HPCAL1: variants seen among roughly 807,000 people sequenced by gnomAD.
HPCAL1 encodes hippocalcin-like protein 1.
In HPCAL1, 8 loss-of-function variants were observed where a neutral mutation model predicts 17.1. The ratio of observed to expected loss-of-function variants is 0.47; its 90% CI spans 0.27 to 0.84. HPCAL1 has a LOEUF of 0.84. Among genes scored for constraint, HPCAL1 ranks in the 40% least tolerant of loss-of-function variants. The pLI is 0.13. For synonymous variants in HPCAL1, 112 were observed against 111.4 expected (o/e 1.01, Z -0.03); for missense variants, 165 against 271.1 (o/e 0.61, Z 2.75).
intron 1 of HPCAL1, among the ~76,000 whole-genome samples, chr2:10,353,037 A>T (rs1331836403): frequency 6.6e-6 from 1 of 152,168 alleles, no homozygotes; most frequent in Non-Finnish European, 1.5e-5. Flanking sequence ...ATTTTGGTTG[A>T]CCAGGTTAGG....
In HPCAL1 at chr2:10,359,613, T is replaced by C. The variant is rs911530964; in HGVS notation, c.-110-37222T>C. Among the ~76,000 whole-genome samples the C allele has an allele frequency of 2.0e-5, 3 of 152,168 alleles. No individual in the cohort carries two copies. In the East Asian group the frequency reaches 5.8e-4, roughly 29 times the overall value. On this transcript the variant is annotated intron_variant, in intron 1 of 4. Transcript: ENST00000307845. The surrounding 1 kb of genome is among the most constrained non-coding windows in gnomAD (Gnocchi z 4.1). ...GCCTCATTGAGGGCCTGGAACTCTT[T>C]AGAGCCCATCAGGACCAAGCTCTGG...
At position 10,304,175 on chromosome 2, in the gene HPCAL1, G is replaced by T. The variant is rs1004291484; in HGVS notation, c.-111+998G>T. ...AGTGCCCGAGAGCGCCGCGCTGGGC[G>T]CCGGCCCTGCCCCAGCCCCCAGGCT... On this transcript the variant is annotated intron_variant, in intron 1 of 4. Transcript: ENST00000307845. This position sits in a 1 kb window ranked among gnomAD's most constrained non-coding sequence, Gnocchi z 4.1. Among the ~76,000 whole-genome samples, 1 of 152,204 alleles carries T rather than the reference G, an allele frequency of 6.6e-6. No individual in the cohort carries two copies. Among genetic ancestry groups the T allele is most frequent in the Non-Finnish European group, 1.5e-5 (1 of 68,022 alleles).
At position 10,359,896 on chromosome 2, in the gene HPCAL1, T is replaced by TGCCCGCCAGGTCCACAGC. The variant is rs1558485143; in HGVS notation, c.-110-36932_-110-36931insAGGTCCACAGCGCCCGCC. Among the ~76,000 whole-genome samples, 27 of 149,694 alleles carry TGCCCGCCAGGTCCACAGC rather than the reference T, an allele frequency of 1.8e-4. No individual in the cohort carries two copies. The highest frequency in any genetic ancestry group is 6.4e-4 in the South Asian group (3 of 4,714). ...ACCTGCCTCCTGCCTCCTTCCACAGTGCCCGCCGGGTCCACAGCGCCCGCC... is the reference window on the plus strand; with the variant it reads ...ACCTGCCTCCTGCCTCCTTCCACAGTGCCCGCCAGGTCCACAGCGCCCGCCGGGTCCACAGCGCCCGCC... On this transcript the variant is annotated intron_variant, in intron 1 of 4. Coordinates refer to ENST00000307845, the MANE Select transcript of HPCAL1 (RefSeq NM_002149.4). The surrounding 1 kb of genome is among the most constrained non-coding windows in gnomAD (Gnocchi z 4.1).
At chr2:10,308,267 C>T (rs780040442) in intron 1 of HPCAL1, among the ~76,000 whole-genome samples, 10 of 152,100 alleles carry the variant, frequency 6.6e-5, no homozygotes, top group Non-Finnish European at 1.3e-4. Context: ...TTAATTAATA[C>T]CAAGATAGAA....
rs187355206 is a variant in HPCAL1, at chr2:10,331,939, G to A, written c.-111+28762G>A. ...TCACCTGTTGTCATTTATGAGCCCCGTGTCACCTGTTGTTGCTTCACAGGG... is the reference window on the plus strand; with the variant it reads ...TCACCTGTTGTCATTTATGAGCCCCATGTCACCTGTTGTTGCTTCACAGGG... On this transcript the variant is annotated intron_variant, in intron 1 of 4. Coordinates refer to ENST00000307845, the MANE Select transcript of HPCAL1 (RefSeq NM_002149.4). The surrounding 1 kb of genome is among the most constrained non-coding windows in gnomAD (Gnocchi z 5.0). Among the ~76,000 whole-genome samples, 6 of 151,526 alleles carry A rather than the reference G, an allele frequency of 4.0e-5. No homozygotes were observed. The highest frequency in any genetic ancestry group is 8.8e-5 in the Non-Finnish European group (6 of 67,842).
At chr2:10,326,733 A>G (rs1664041897) in intron 1 of HPCAL1, among the ~76,000 whole-genome samples, 1 of 152,110 alleles carries the variant, frequency 6.6e-6, no homozygotes, top group South Asian at 2.1e-4. Flanking sequence ...AGCGTTCATG[A>G]GCACAGGGTG....
At chr2:10,403,503 T>A (rs867337824) in intron 2 of HPCAL1, among the ~76,000 whole-genome samples, 1,787 of 143,802 alleles carry the variant, frequency 0.012, 45 homozygotes, top group African/African-American at 0.042. Flanking sequence ...TGTGTGTGTG[T>A]GACGGAGTCT....
rs1264700064 is a variant in HPCAL1 at position 10,371,856 on chromosome 2, C to CG, written c.-110-24973dup. Reference sequence around the variant, plus strand: ...GCCCTTGGGGACGTCTGGCTTTGTCCGGGGGGTTTTCTGCTGCTCACTGGC... The same window carrying CG: ...GCCCTTGGGGACGTCTGGCTTTGTCCGGGGGGGTTTTCTGCTGCTCACTGGC... On this transcript the variant is annotated intron_variant, in intron 1 of 4. Coordinates refer to ENST00000307845, the MANE Select transcript of HPCAL1 (RefSeq NM_002149.4). 3.3e-5 allele frequency among the ~76,000 whole-genome samples: 5 copies of CG among 152,228 alleles called. No homozygotes were observed. In the East Asian group the frequency reaches 9.7e-4, roughly 29 times the overall value.
Position 10,426,933 on chromosome 2 carries a change from T to C in HPCAL1, c.*112T>C. On this transcript the variant is annotated 3_prime_UTR_variant, in exon 5 of 5. Transcript: ENST00000307845. ...TTCCTGCTCTCCCGGGCCCCGGGCCTGGGGCATGCGTTGCACCTGCCCAGC... is the reference window on the plus strand; with the variant it reads ...TTCCTGCTCTCCCGGGCCCCGGGCCCGGGGCATGCGTTGCACCTGCCCAGC... The C allele has an allele frequency of 4.9e-6, 5 of 1,012,470 alleles. No individual in the cohort carries two copies. Among genetic ancestry groups the C allele is most frequent in the South Asian group, 1.4e-5 (1 of 73,874 alleles). 62.7% of individuals were successfully genotyped at this position (1,012,470 alleles called of 1,614,324 possible). A position where few individuals can be genotyped will look rare whatever the true frequency, so the allele number is the denominator to read the frequency against.
intron 1 of HPCAL1, among the ~76,000 whole-genome samples, chr2:10,316,524 A>G (rs562327247): frequency 2.6e-5 from 4 of 152,210 alleles, no homozygotes; most frequent in Middle Eastern, 3.4e-3. Flanking sequence ...CCTGACTTTC[A>G]ATGGCTTCCC....
chr2:10,347,480 G>C (rs1290420614), intron 1 of HPCAL1, among the ~76,000 whole-genome samples: 1 of 152,126 alleles, frequency 6.6e-6, no homozygotes, highest in Admixed American at 6.5e-5. Context: ...AGGTGGGCGT[G>C]GGGAGGAGGA....
At chr2:10,404,222 TG>T (rs1669829292) in intron 2 of HPCAL1, among the ~76,000 whole-genome samples, 1 of 152,120 alleles carries the variant, frequency 6.6e-6, no homozygotes, top group African/African-American at 2.4e-5. Flanking sequence ...GGATGAAGTC[TG>T]GGACTGGAAG....
rs1662479593 is a variant in HPCAL1, at chr2:10,304,379, G to A, written c.-111+1202G>A. 6.6e-6 allele frequency among the ~76,000 whole-genome samples: 1 copy of A among 151,914 alleles called. No homozygotes were observed. Among genetic ancestry groups the A allele is most frequent in the Admixed American group, 6.5e-5 (1 of 15,280 alleles). Reference sequence around the variant, plus strand: ...AGATCTCGGGCTCCCGGGGTGTCCCGGCCGCCAAAGGCCACCCCTTTCCTC... The same window carrying A: ...AGATCTCGGGCTCCCGGGGTGTCCCAGCCGCCAAAGGCCACCCCTTTCCTC... On this transcript the variant is annotated intron_variant, in intron 1 of 4. Transcript: ENST00000307845. This position sits in a 1 kb window ranked among gnomAD's most constrained non-coding sequence, Gnocchi z 4.1.
In HPCAL1 at chr2:10,350,589, C is replaced by A. The variant is rs376422076; in HGVS notation, c.-110-46246C>A. Among the ~76,000 whole-genome samples, 146 of 152,164 alleles carry A rather than the reference C, an allele frequency of 9.6e-4. 1 individual carries two copies. The highest frequency in any genetic ancestry group is 3.5e-3 in the African/African-American group (145 of 41,518). Reference sequence around the variant, plus strand: ...AGCCTCCCAAGTGCTAGTAAGCCACCACACCCAGCCAAAATTTAAAACACC... The same window carrying A: ...AGCCTCCCAAGTGCTAGTAAGCCACAACACCCAGCCAAAATTTAAAACACC... On this transcript the variant is annotated intron_variant, in intron 1 of 4. Transcript: ENST00000307845.
intron 1 of HPCAL1, among the ~76,000 whole-genome samples, chr2:10,315,107 C>T (rs886543603): frequency 2.0e-5 from 3 of 151,892 alleles, no homozygotes; most frequent in Non-Finnish European, 4.4e-5. Context: ...CTGGCCAACA[C>T]GGTGAAACCC....
At chr2:10,380,942 G>A (rs994176704) in intron 1 of HPCAL1, among the ~76,000 whole-genome samples, 4 of 152,230 alleles carry the variant, frequency 2.6e-5, no homozygotes, top group Non-Finnish European at 4.4e-5. Flanking sequence ...TTGAATAAGC[G>A]AAAGAGTGCC....
At chr2:10,309,561 G>T (rs1018497290) in intron 1 of HPCAL1, among the ~76,000 whole-genome samples, 5 of 152,156 alleles carry the variant, frequency 3.3e-5, no homozygotes, top group African/African-American at 1.2e-4. Flanking sequence ...TCCTTCTAGG[G>T]CATGAGTGCT....
intron 1 of HPCAL1, among the ~76,000 whole-genome samples, chr2:10,318,514 C>T (rs897884786): frequency 6.6e-6 from 1 of 152,162 alleles, no homozygotes; most frequent in Non-Finnish European, 1.5e-5. Flanking sequence ...CTGATAAGGC[C>T]GCACGTGGGT....
At chr2:10,347,683 C>G (rs964327594) in intron 1 of HPCAL1, among the ~76,000 whole-genome samples, 2 of 152,168 alleles carry the variant, frequency 1.3e-5, no homozygotes, top group Non-Finnish European at 2.9e-5. Context: ...GCAGCCTTTC[C>G]CATGGCACTG....
Sources: gnomAD v4.1 joint callset for allele counts (sites outside exome capture counted in the v4.1 genomes callset) on GRCh38, gnomAD v4.1.1 for gene constraint, Gnocchi (gnomAD v3.1) non-coding constraint, MANE v1.5 for transcripts, NCBI Gene and HGNC (gene_info 2026-07-23, HGNC 2026-07-21) for gene names.